DPP10: variants seen among roughly 807,000 people sequenced by gnomAD.
DPP10 encodes dipeptidyl peptidase like 10, also known as inactive dipeptidyl peptidase 10.
Under a neutral mutation model 120.9 loss-of-function variants are expected in DPP10, and 33 were observed. That is an observed-to-expected ratio of 0.27 (90% confidence interval 0.21 to 0.37). DPP10 has a LOEUF of 0.37. Ranked by LOEUF, DPP10 falls within the 10% of genes least tolerant of loss-of-function variation. DPP10 has a pLI of 1.00. For missense variants in DPP10, 816 were observed against 942.8 expected (o/e 0.87, Z 1.76); for synonymous variants, 337 against 326.1 (o/e 1.03, Z -0.36).
chr2:114,725,950 A>G (rs890507504), intron 1 of DPP10, among the ~76,000 whole-genome samples: 1 of 152,150 alleles, frequency 6.6e-6, no homozygotes, highest in Non-Finnish European at 1.5e-5. Context: ...GTTCTTCTAT[A>G]GGCTGGGTGC....
chr2:115,775,281 G>A (rs528858711), intron 13 of DPP10, among the ~76,000 whole-genome samples: 1 of 151,776 alleles, frequency 6.6e-6, no homozygotes, highest in East Asian at 1.9e-4. Flanking sequence ...AAATAAAGCA[G>A]TATGATAAAA....
At chr2:115,270,524 A>G (rs1348109593) in intron 1 of DPP10, among the ~76,000 whole-genome samples, 1 of 152,070 alleles carries the variant, frequency 6.6e-6, no homozygotes, top group Non-Finnish European at 1.5e-5. Context: ...TATTCCCATG[A>G]CTCTGGTGTT....
intron 1 of DPP10, among the ~76,000 whole-genome samples, chr2:115,208,024 T>C (rs1188128521): frequency 6.6e-6 from 1 of 152,154 alleles, no homozygotes; most frequent in Non-Finnish European, 1.5e-5. Context: ...TAGAGGACGA[T>C]AGCATTTTAG....
intron 1 of DPP10, among the ~76,000 whole-genome samples, chr2:114,641,468 T>C (rs1015411086): frequency 2.6e-5 from 4 of 151,990 alleles, no homozygotes; most frequent in Non-Finnish European, 5.9e-5. Context: ...CTTTTGCTAA[T>C]AGCAGGAAAA....
chr2:115,531,567 G>T (rs1463821105), intron 5 of DPP10, among the ~76,000 whole-genome samples: 3 of 152,002 alleles, frequency 2.0e-5, no homozygotes, highest in African/African-American at 7.2e-5. Flanking sequence ...ACCCTTCAAG[G>T]TTAATGTTTG....
intron 1 of DPP10, among the ~76,000 whole-genome samples, chr2:115,010,836 G>A (rs1215187214): frequency 1.3e-5 from 2 of 152,110 alleles, no homozygotes; most frequent in African/African-American, 2.4e-5. Context: ...GTTGCCAGCA[G>A]TATTAGTAGT....
intron 1 of DPP10, among the ~76,000 whole-genome samples, chr2:115,045,175 T>A (rs1175970841): frequency 6.6e-6 from 1 of 152,194 alleles, no homozygotes; most frequent in African/African-American, 2.4e-5. Context: ...CTATTTTTAG[T>A]TTCCTGAGGA....
chr2:115,807,249 A>G (rs1177433366), intron 19 of DPP10, among the ~76,000 whole-genome samples: 1 of 152,168 alleles, frequency 6.6e-6, no homozygotes, highest in Non-Finnish European at 1.5e-5. Flanking sequence ...CATTCCTTCT[A>G]TTTTATTGAA....
intron 1 of DPP10, among the ~76,000 whole-genome samples, chr2:115,147,109 G>A (rs762983270): frequency 4.6e-5 from 7 of 151,402 alleles, no homozygotes; most frequent in Non-Finnish European, 8.8e-5. Flanking sequence ...TCGTTTTATT[G>A]GATGGAAAAA....
At chr2:114,453,513 C>A (rs942651148) in intron 1 of DPP10, among the ~76,000 whole-genome samples, 1 of 152,128 alleles carries the variant, frequency 6.6e-6, no homozygotes, top group African/African-American at 2.4e-5. Flanking sequence ...CAGGGTCTAT[C>A]ACAATTATGT....
intron 7 of DPP10, among the ~76,000 whole-genome samples, chr2:115,705,738 A>G (rs1374850089): frequency 6.6e-6 from 1 of 151,952 alleles, no homozygotes; most frequent in African/African-American, 2.4e-5. Context: ...ATTAGTGAAG[A>G]TAACTGAAAT....
intron 3 of DPP10, among the ~76,000 whole-genome samples, chr2:115,458,415 G>A (rs560685392): frequency 2.5e-4 from 38 of 152,112 alleles, no homozygotes; most frequent in Admixed American, 7.9e-4. Context: ...ACTTTTGATC[G>A]AAATAACATA....
intron 1 of DPP10, among the ~76,000 whole-genome samples, chr2:114,617,199 C>T (rs111553202): frequency 0.011 from 1,622 of 151,930 alleles, 43 homozygotes; most frequent in African/African-American, 0.037. Context: ...TGAAAACAGC[C>T]GAGAAAGACA....
chr2:114,815,113 G>A (rs761747101), intron 1 of DPP10, among the ~76,000 whole-genome samples: 1 of 152,200 alleles, frequency 6.6e-6, no homozygotes, highest in Non-Finnish European at 1.5e-5. Context: ...TTCCCCACCT[G>A]GGATGGTGTT....
At chr2:114,706,343 T>C (rs1700683730) in intron 1 of DPP10, among the ~76,000 whole-genome samples, 1 of 152,182 alleles carries the variant, frequency 6.6e-6, no homozygotes, top group Non-Finnish European at 1.5e-5. Context: ...CTTGATTGTT[T>C]AAAATAACAG....
intron 1 of DPP10, among the ~76,000 whole-genome samples, chr2:114,984,964 T>C (rs563516446): frequency 1.3e-5 from 2 of 152,298 alleles, no homozygotes; most frequent in South Asian, 2.1e-4. Context: ...CAGAGGTTTT[T>C]AAATTAGAAA....
intron 1 of DPP10, among the ~76,000 whole-genome samples, chr2:114,504,700 C>G (rs1038110003): frequency 1.3e-5 from 2 of 152,090 alleles, no homozygotes; most frequent in African/African-American, 4.8e-5. Flanking sequence ...TGATATCACC[C>G]TATTGGGGAA....
intron 1 of DPP10, among the ~76,000 whole-genome samples, chr2:114,555,711 A>G (rs1414892585): frequency 6.6e-6 from 1 of 152,196 alleles, no homozygotes; most frequent in Non-Finnish European, 1.5e-5. Flanking sequence ...ATTTTTTATA[A>G]TAGGTATAAT....
chr2:114,570,164 A>G (rs957602804), intron 1 of DPP10, among the ~76,000 whole-genome samples: 3 of 152,160 alleles, frequency 2.0e-5, no homozygotes, highest in Non-Finnish European at 4.4e-5. Flanking sequence ...CTATATATTG[A>G]AAACAGATTT....
Sources: allele counts gnomAD v4.1 joint callset (sites outside exome capture counted in the v4.1 genomes callset), GRCh38; gene constraint gnomAD v4.1.1; transcripts MANE v1.5; gene names NCBI Gene and HGNC (gene_info 2026-07-23, HGNC 2026-07-21).